The following SUFU variants were observed in gnomAD, a reference collection of about 807,000 sequenced individuals.
The protein encoded by SUFU is suppressor of fused homolog.
A neutral mutation model predicts 58.9 loss-of-function variants in SUFU; 7 were observed. That is an observed-to-expected ratio of 0.12 (90% CI 0.07 to 0.22). The LOEUF (loss-of-function observed/expected upper bound fraction) is 0.22. SUFU is among the 10% of genes least tolerant of loss of function. The pLI is 1.00. For missense variants in SUFU, 451 were observed against 641.3 expected (o/e 0.70, Z 3.20); for synonymous variants, 232 against 254.8 (o/e 0.91, Z 0.85).
intron 3 of SUFU, among the ~76,000 whole-genome samples, chr10:102,569,132 C>T (rs190331701): frequency 1.5e-4 from 22 of 151,516 alleles, no homozygotes; most frequent in Admixed American, 5.3e-4. Context: ...TTGGCAACTG[C>T]GTCCAATTAT....
chr10:102,524,412 G>A (rs1190128779), intron 2 of SUFU, among the ~76,000 whole-genome samples: 2 of 141,878 alleles, frequency 1.4e-5, no homozygotes, highest in African/African-American at 5.3e-5. Context: ...TGTAACCTCC[G>A]CCTCCTGGGA....
intron 3 of SUFU, among the ~76,000 whole-genome samples, chr10:102,585,465 G>T (rs976553700): frequency 6.6e-6 from 1 of 152,078 alleles, no homozygotes; most frequent in African/African-American, 2.4e-5. Context: ...AAACATTCTA[G>T]TGGATATGAA....
Position 102,614,792 on chromosome 10 carries a change from C to T in SUFU, c.1023-476C>T, listed in dbSNP as rs200610412. Among the ~76,000 whole-genome samples, 432 of 151,816 alleles carry T rather than the reference C, an allele frequency of 2.8e-3. 3 individuals are homozygous for T. Among genetic ancestry groups the T allele is most frequent in the African/African-American group, 0.01 (414 of 41,364 alleles). On this transcript the variant is annotated intron_variant, in intron 8 of 11. Coordinates refer to ENST00000369902, the MANE Select transcript of SUFU (RefSeq NM_016169.4). ...TCGGGAGGCTAAGGCGGGAGAATTG[C>T]TTGAACCCAGGAGGCGGAGGTTGCA... is the stretch of plus-strand genomic sequence containing the variant.
intron 8 of SUFU, among the ~76,000 whole-genome samples, chr10:102,600,188 G>A (rs1405045377): frequency 6.6e-6 from 1 of 152,180 alleles, no homozygotes. Context: ...GGCTGAAGCT[G>A]GGCACCCCCC....
At chr10:102,574,004 GA>G (rs1004274691) in intron 3 of SUFU, among the ~76,000 whole-genome samples, 15 of 151,060 alleles carry the variant, frequency 9.9e-5, no homozygotes, top group African/African-American at 2.4e-4. Context: ...AACTAAAACT[GA>G]AAAAAAAATT....
At chr10:102,603,744 A>C (rs571145244) in intron 8 of SUFU, among the ~76,000 whole-genome samples, 109 of 152,160 alleles carry the variant, frequency 7.2e-4, no homozygotes, top group African/African-American at 2.5e-3. Context: ...ATATACATAG[A>C]TTTCTCTCTA....
chr10:102,563,638 G>A (rs1013983337), intron 3 of SUFU, among the ~76,000 whole-genome samples: 3 of 151,944 alleles, frequency 2.0e-5, no homozygotes, highest in African/African-American at 7.2e-5. Context: ...TGCCACTGCA[G>A]TGAGCCAGGA....
intron 2 of SUFU, among the ~76,000 whole-genome samples, chr10:102,511,144 A>AAAG (rs2062396683): frequency 6.6e-6 from 1 of 150,666 alleles, no homozygotes; most frequent in South Asian, 2.1e-4. Context: ...AAAAGTAATA[A>AAAG]TAATAATAAT....
chr10:102,521,753 C>G (rs1266300511), intron 2 of SUFU, among the ~76,000 whole-genome samples: 1 of 152,188 alleles, frequency 6.6e-6, no homozygotes, highest in African/African-American at 2.4e-5. Flanking sequence ...GAACCAGCAT[C>G]AAGAAGACAA....
intron 8 of SUFU, among the ~76,000 whole-genome samples, chr10:102,599,869 G>T (rs1005208512): frequency 6.6e-6 from 1 of 152,232 alleles, no homozygotes; most frequent in Non-Finnish European, 1.5e-5. Context: ...GCTGAGCACG[G>T]TTCCCTCCTT....
chr10:102,599,386 G>T (rs2063494372), intron 7 of SUFU, 47 bp from the exon 8 acceptor site: 2 of 1,447,110 alleles, frequency 1.4e-6, no homozygotes. Context: ...GGTGAGAATT[G>T]CTGGGAGCCC....
chr10:102,624,782 G>A (rs1287891416), intron 10 of SUFU, among the ~76,000 whole-genome samples: 2 of 152,194 alleles, frequency 1.3e-5, no homozygotes, highest in Non-Finnish European at 2.9e-5. Context: ...AGTGTTGGTG[G>A]CATTACGTTT....
chr10:102,516,409 G>T (rs1324868307), intron 2 of SUFU, among the ~76,000 whole-genome samples: 1 of 152,068 alleles, frequency 6.6e-6, no homozygotes, highest in African/African-American at 2.4e-5. Flanking sequence ...ATGTCTGTGG[G>T]TGCATGGCTT....
At chr10:102,571,014 A>G (rs1461512513) in intron 3 of SUFU, among the ~76,000 whole-genome samples, 1 of 152,196 alleles carries the variant, frequency 6.6e-6, no homozygotes, top group African/African-American at 2.4e-5. Flanking sequence ...TTCAAGGTGT[A>G]CAGTATATCA....
At chr10:102,605,166 C>T (rs1317506768) in intron 8 of SUFU, among the ~76,000 whole-genome samples, 1 of 151,930 alleles carries the variant, frequency 6.6e-6, no homozygotes, top group Non-Finnish European at 1.5e-5. Flanking sequence ...ATCTGCCCGC[C>T]TCAGCCTCCC....
Position 102,504,134 on chromosome 10 carries a change from G to T in SUFU, c.-19G>T. On this transcript the variant is annotated 5_prime_UTR_variant, in exon 1 of 12. Coordinates refer to ENST00000369902, the MANE Select transcript of SUFU (RefSeq NM_016169.4). The stretch of plus-strand genomic sequence containing the variant: ...GTTTGCCCTCTCCAGTTCCCCCAGT[G>T]CCTGCCCTACGCACCCCGATGGCGG... The T allele has an allele frequency of 6.5e-7, 1 of 1,536,632 alleles. No individual in the cohort carries two copies. The highest frequency in any genetic ancestry group is 8.7e-7 in the Non-Finnish European group (1 of 1,144,508).
At position 102,504,075 on chromosome 10, in the gene SUFU, G is replaced by T; in HGVS notation, c.-78G>T. 1 of 1,478,494 alleles carries T rather than the reference G, an allele frequency of 6.8e-7. No homozygotes were observed. Among genetic ancestry groups the T allele is most frequent in the African/African-American group, 1.4e-5 (1 of 71,208 alleles). 91.6% of individuals were successfully genotyped at this position (1,478,494 alleles called of 1,614,324 possible). On this transcript the variant is annotated 5_prime_UTR_variant, in exon 1 of 12. Coordinates refer to ENST00000369902, the MANE Select transcript of SUFU (RefSeq NM_016169.4). ...CGCCTCGGGGAGTCTCACCCACCGA[G>T]TCCGCCCGCTGGCCCGTCAGTGCTC...
At chr10:102,576,668 A>G (rs564850505) in intron 3 of SUFU, among the ~76,000 whole-genome samples, 11 of 152,318 alleles carry the variant, frequency 7.2e-5, no homozygotes, top group African/African-American at 2.6e-4. Context: ...TTGGTCCTCC[A>G]AAGTGACCAT....
rs1554854954 is a variant in SUFU at position 102,618,931 on chromosome 10, C to CGTGCGTGTGTGT, written c.1296+1506_1296+1507insCGTGTGTGTGTG. 5 of 535,130 alleles carry CGTGCGTGTGTGT rather than the reference C, an allele frequency of 9.3e-6. No homozygotes were observed. The African/African-American group carries it at 1.2e-4, about 13-fold the overall frequency. The allele number at this position is 535,130 out of a possible 1,614,324, so 33.1% of individuals were successfully genotyped here. ...ATCATTCCCAAGTGTCCTCAGGTAG[C>CGTGCGTGTGTGT]GTGTGTGTGTGTGTGTGTGTGTGTG... On this transcript the variant is annotated intron_variant, in intron 10 of 11. Transcript: ENST00000369902.
Sources: allele counts gnomAD v4.1 joint callset (sites outside exome capture counted in the v4.1 genomes callset), GRCh38; gene constraint gnomAD v4.1.1; transcripts MANE v1.5; gene names NCBI Gene and HGNC (gene_info 2026-07-23, HGNC 2026-07-21).